The following KIAA0586 variants were observed in gnomAD, a reference collection of about 807,000 sequenced individuals.
KIAA0586 encodes the protein KIAA0586.
In KIAA0586, 144 loss-of-function variants were observed where a neutral mutation model predicts 169.8. That is an observed-to-expected ratio of 0.85 (90% CI 0.74 to 0.97). The LOEUF is 0.97. Among genes scored for constraint, KIAA0586 ranks in the 50% least tolerant of loss-of-function variants. The probability of loss-of-function intolerance (pLI) is 0.00; values close to 1 mark genes in which losing one functional copy is unlikely to be tolerated. For missense variants in KIAA0586, 1,854 were observed against 1,823.0 expected (o/e 1.02, Z -0.31); for synonymous variants, 625 against 612.4 (o/e 1.02, Z -0.30).
At chr14:58,556,567 A>G in the KIAA0586 span, among the ~76,000 whole-genome samples, 4 of 152,282 alleles carry the variant, frequency 2.6e-5, 1 homozygote. Flanking sequence ...TTTCCTAGTC[A>G]ATACACACCC....
chr14:58,457,132 C>A (rs781031666), intron 10 of KIAA0586, among the ~76,000 whole-genome samples: 1 of 152,218 alleles, frequency 6.6e-6, no homozygotes, highest in Non-Finnish European at 1.5e-5. Context: ...TTCTTCCATA[C>A]ATAAAGAGCC....
At chr14:58,555,391 G>A (rs188297220), downstream of KIAA0586, among the ~76,000 whole-genome samples, 4 of 152,130 alleles carry the variant, frequency 2.6e-5, no homozygotes, top group East Asian at 5.8e-4. Context: ...GTGAGCCACC[G>A]CACCTGGCCC....
intron 30 of KIAA0586, among the ~76,000 whole-genome samples, chr14:58,543,241 T>C (rs1595551852): frequency 1.3e-5 from 2 of 152,148 alleles, no homozygotes; most frequent in South Asian, 2.1e-4. Context: ...CAGTCTCTTA[T>C]TATTTTCTAT....
intron 20 of KIAA0586, among the ~76,000 whole-genome samples, chr14:58,477,662 G>T (rs1478076037): frequency 6.6e-6 from 1 of 151,994 alleles, no homozygotes; most frequent in East Asian, 1.9e-4. Context: ...TGGTTAAAAT[G>T]AGCCTCTTTC....
At chr14:58,455,671 C>CGTGTGTGT (rs113621863) in intron 9 of KIAA0586, among the ~76,000 whole-genome samples, 6 of 150,022 alleles carry the variant, frequency 4.0e-5, no homozygotes, top group Non-Finnish European at 7.4e-5. Context: ...CCATGGATTA[C>CGTGTGTGT]GTGTGTGTGT....
At position 58,442,610 on chromosome 14, in the gene KIAA0586, C is replaced by A. The variant is rs187259519; in HGVS notation, c.411-96C>A. The A allele has an allele frequency of 6.6e-3, 6,241 of 951,230 alleles. 20 individuals are homozygous for A. Among genetic ancestry groups the A allele is most frequent in the Non-Finnish European group, 7.6e-3 (5,062 of 665,488 alleles). 58.9% of individuals were successfully genotyped at this position (951,230 alleles called of 1,614,324 possible). ...GATAGGTGATTTAATTAAAAAAAATCAAAACCACCTTCGGCAGATTACCAT... is the reference window on the plus strand; with the variant it reads ...GATAGGTGATTTAATTAAAAAAAATAAAAACCACCTTCGGCAGATTACCAT... On this transcript the variant is annotated intron_variant, in intron 4 of 30. Coordinates refer to ENST00000652326, the MANE Select transcript of KIAA0586 (RefSeq NM_001329943.3).
chr14:58,547,770 C>T lies in KIAA0586; in HGVS notation c.4496-11C>T, dbSNP rs2047072300. On this transcript the variant is annotated splice_polypyrimidine_tract_variant and intron_variant, in intron 30 of 30. Coordinates refer to ENST00000652326, the MANE Select transcript of KIAA0586 (RefSeq NM_001329943.3). ...CGCATGTTGAGCTGAATGAGCTTCTCCTTTGTGCAGGTGGGAAAGCAGTGC... is the reference window on the plus strand; with the variant it reads ...CGCATGTTGAGCTGAATGAGCTTCTTCTTTGTGCAGGTGGGAAAGCAGTGC... 1 of 1,599,752 alleles carries T rather than the reference C, an allele frequency of 6.3e-7. No individual in the cohort carries two copies. Among genetic ancestry groups the T allele is most frequent in the Non-Finnish European group, 8.5e-7 (1 of 1,170,742 alleles).
chr14:58,433,703 A>G (rs1011868426), intron 4 of KIAA0586, among the ~76,000 whole-genome samples: 3 of 152,242 alleles, frequency 2.0e-5, no homozygotes, highest in Non-Finnish European at 2.9e-5. Flanking sequence ...GAAATTTAGC[A>G]GGAAAATAAT....
intron 20 of KIAA0586, among the ~76,000 whole-genome samples, chr14:58,482,163 C>T (rs540130751): frequency 1.2e-4 from 19 of 152,050 alleles, no homozygotes; most frequent in Admixed American, 8.5e-4. Context: ...CAGTGGCTGT[C>T]GCCCGTAATA....
chr14:58,439,020 T>A (rs1042401779), intron 4 of KIAA0586, among the ~76,000 whole-genome samples: 7 of 152,140 alleles, frequency 4.6e-5, no homozygotes, highest in Non-Finnish European at 8.8e-5. Context: ...GATGAAACCT[T>A]ACGGTTGAGA....
At chr14:58,560,889 A>AC in the KIAA0586 span, among the ~76,000 whole-genome samples, 6 of 152,174 alleles carry the variant, frequency 3.9e-5, no homozygotes, top group East Asian at 1.2e-3. Context: ...TATGTTGTAA[A>AC]CAAAGCTCTT....
chr14:58,451,958 C>T (rs551893822), intron 8 of KIAA0586, among the ~76,000 whole-genome samples: 9 of 152,326 alleles, frequency 5.9e-5, no homozygotes, highest in African/African-American at 9.6e-5. Context: ...GCTGTGATTA[C>T]AGGCGTGAGC....
intron 29 of KIAA0586, among the ~76,000 whole-genome samples, chr14:58,517,640 GA>G (rs2044862369): frequency 6.6e-6 from 1 of 152,134 alleles, no homozygotes; most frequent in African/African-American, 2.4e-5. Context: ...CAAGATAAAT[GA>G]AAACTTATTT....
intron 30 of KIAA0586, among the ~76,000 whole-genome samples, chr14:58,541,093 A>G (rs1421396488): frequency 6.6e-6 from 1 of 152,250 alleles, no homozygotes; most frequent in Non-Finnish European, 1.5e-5. Flanking sequence ...AAGCAACTGC[A>G]TTGCTGGAAC....
chr14:58,522,085 T>TC, intron 29 of KIAA0586: 3 of 707,602 alleles, frequency 4.2e-6, no homozygotes, highest in Non-Finnish European at 7.5e-6. Flanking sequence ...TCCCATGGTA[T>TC]CTTCAGCACA....
intron 6 of KIAA0586, among the ~76,000 whole-genome samples, chr14:58,447,681 A>C (rs2039016883): frequency 6.6e-6 from 1 of 151,922 alleles, no homozygotes; most frequent in Admixed American, 6.6e-5. Context: ...GGGTTTCACC[A>C]TGTTGGCCAG....
intron 27 of KIAA0586, among the ~76,000 whole-genome samples, chr14:58,501,002 T>A (rs1207841111): frequency 6.6e-6 from 1 of 152,194 alleles, no homozygotes; most frequent in Non-Finnish European, 1.5e-5. Context: ...TTTGGGGGGT[T>A]ATAAATACGT....
chr14:58,482,669 C>T lies in KIAA0586; in HGVS notation c.3101C>T (p.Thr1034Ile), dbSNP rs1434776991. Residue 1034 changes from threonine (T) to isoleucine (I), a missense_variant, in exon 21 of 31, where the codon ACA becomes ATA. Coordinates refer to ENST00000652326, the MANE Select transcript of KIAA0586 (RefSeq NM_001329943.3). Reference protein sequence around the residue: ...REAKKQGPVATGVSGDASTNE... With the variant: ...REAKKQGPVAIGVSGDASTNE... ...GCAAAGAAGCAAGGTCCTGTTGCTA[C>T]AGGTGTTTCTGGGGATGCTTCAACA... 1 of 1,592,474 alleles carries T rather than the reference C, an allele frequency of 6.3e-7. No homozygotes were observed. The highest frequency in any genetic ancestry group is 2.3e-5 in the East Asian group (1 of 44,216).
chr14:58,561,887 G>T, the KIAA0586 span, among the ~76,000 whole-genome samples: 3 of 151,760 alleles, frequency 2.0e-5, no homozygotes, highest in Admixed American at 1.3e-4. Context: ...AATTCATTTC[G>T]TACACAAGAA....
Sources: gnomAD v4.1 joint callset for allele counts (sites outside exome capture counted in the v4.1 genomes callset) on GRCh38, gnomAD v4.1.1 for gene constraint, MANE v1.5 for transcripts, NCBI Gene and HGNC (gene_info 2026-07-23, HGNC 2026-07-21) for gene names.